SEPTIN14: variants seen among roughly 807,000 people sequenced by gnomAD.
SEPTIN14 encodes the protein septin 14.
SEPTIN14 carries 40 observed loss-of-function variants against 53.6 expected under a neutral mutation model. The ratio of observed to expected loss-of-function variants is 0.75; its 90% CI spans 0.58 to 0.97. The LOEUF is 0.97. Ranked by LOEUF, SEPTIN14 falls within the 50% of genes least tolerant of loss-of-function variation. The pLI is 0.00. For synonymous variants in SEPTIN14, 138 were observed against 166.8 expected (o/e 0.83, Z 1.33); for missense variants, 471 against 508.2 (o/e 0.93, Z 0.70).
intron 2 of SEPTIN14, among the ~76,000 whole-genome samples, chr7:55,851,965 AC>A (rs1304494668): frequency 6.6e-6 from 1 of 152,018 alleles, no homozygotes; most frequent in Non-Finnish European, 1.5e-5. Flanking sequence ...ACACAGTGAA[AC>A]CCCGTCTCTA....
At chr7:55,852,537 TA>T (rs1413380300) in intron 2 of SEPTIN14, among the ~76,000 whole-genome samples, 4 of 151,964 alleles carry the variant, frequency 2.6e-5, no homozygotes. Context: ...AAAAATCAAA[TA>T]AAAATGAATT....
In SEPTIN14 at chr7:55,793,789, A is replaced by C. The variant is rs912966722; in HGVS notation, c.*2124T>G. On this transcript the variant is annotated 3_prime_UTR_variant, in exon 10 of 10. Transcript: ENST00000388975. ...TAATTTTCATAGTAACCAAAAACGAAATCTACATAGAATATACACAAAAGG... is the reference window on the plus strand; with the variant it reads ...TAATTTTCATAGTAACCAAAAACGACATCTACATAGAATATACACAAAAGG... 7 of 152,112 alleles carry C rather than the reference A, an allele frequency of 4.6e-5. No homozygotes were observed. Among genetic ancestry groups the C allele is most frequent in the African/African-American group, 1.7e-4 (7 of 41,458 alleles). 9.4% of individuals were successfully genotyped at this position (152,112 alleles called of 1,614,324 possible).
intron 7 of SEPTIN14, among the ~76,000 whole-genome samples, chr7:55,817,358 A>G (rs1420028446): frequency 6.6e-6 from 1 of 152,064 alleles, no homozygotes; most frequent in African/African-American, 2.4e-5. Context: ...GGTAGAGGGT[A>G]TGTAGGAGAG....
Position 55,844,686 on chromosome 7 carries a change from C to T in SEPTIN14, c.208G>A (p.Asp70Asn), listed in dbSNP as rs757463570. Reference sequence around the variant, plus strand: ...TTCAAGTTAGTATTAAACAATGTGTCTATCAGTGTCGATTTTCCAATTCCA... The same window carrying T: ...TTCAAGTTAGTATTAAACAATGTGTTTATCAGTGTCGATTTTCCAATTCCA... Reference protein sequence around the residue: ...ETGIGKSTLIDTLFNTNLKDN... With the variant: ...ETGIGKSTLINTLFNTNLKDN... The change falls in exon 4 of 10, where the codon GAC (aspartate) becomes AAC (asparagine). Residue 70 changes from aspartate to asparagine, a missense_variant. Coordinates refer to ENST00000388975, the MANE Select transcript of SEPTIN14 (RefSeq NM_207366.3). The T allele has an allele frequency of 6.2e-7, 1 of 1,604,618 alleles. No individual in the cohort carries two copies. Among genetic ancestry groups the T allele is most frequent in the Non-Finnish European group, 8.5e-7 (1 of 1,173,592 alleles).
chr7:55,805,555 A>G (rs544439305), intron 8 of SEPTIN14, among the ~76,000 whole-genome samples, 165 bp from the exon 9 acceptor site: 19 of 152,290 alleles, frequency 1.2e-4, no homozygotes, highest in African/African-American at 4.3e-4. Flanking sequence ...AAAAATAAAA[A>G]CACACTAGTA....
chr7:55,843,237 T>C, intron 4 of SEPTIN14, 109 bp from the exon 5 acceptor site: 1 of 581,694 alleles, frequency 1.7e-6, no homozygotes, highest in Non-Finnish European at 2.9e-6. Flanking sequence ...GCTATAGTGA[T>C]GAAGAAAAAG....
At chr7:55,801,924 T>C (rs986693403) in intron 9 of SEPTIN14, among the ~76,000 whole-genome samples, 2 of 151,564 alleles carry the variant, frequency 1.3e-5, no homozygotes, top group African/African-American at 4.8e-5. Flanking sequence ...TTGTCTTAAA[T>C]AGATAAATAA....
intron 9 of SEPTIN14, among the ~76,000 whole-genome samples, chr7:55,802,854 T>A (rs1479016229): frequency 6.6e-6 from 1 of 151,466 alleles, no homozygotes; most frequent in Non-Finnish European, 1.5e-5. Flanking sequence ...GTACATCTGA[T>A]AAGGGGTTAA....
At chr7:55,804,582 A>G (rs1433621678) in intron 9 of SEPTIN14, among the ~76,000 whole-genome samples, 7 of 152,126 alleles carry the variant, frequency 4.6e-5, no homozygotes. Context: ...CTTATAATTC[A>G]ACTGTCTTTG....
rs141620760 is a variant in SEPTIN14, at chr7:55,857,014, A to G, written c.54+4929T>C. On this transcript the variant is annotated intron_variant, in intron 2 of 9. Transcript: ENST00000388975. The stretch of plus-strand genomic sequence containing the variant: ...GAACCCGGGAAGTGGAGGTTCCAGT[A>G]AGCCAAGATTGTGCCACTGCACTCC... Among the ~76,000 whole-genome samples the G allele has an allele frequency of 3.3e-3, 493 of 148,458 alleles. 3 individuals are homozygous for G. Among genetic ancestry groups the G allele is most frequent in the African/African-American group, 0.012 (467 of 40,226 alleles).
At chr7:55,830,337 ATATATATATATAT>A (rs1395039370) in intron 6 of SEPTIN14, among the ~76,000 whole-genome samples, 29 of 35,328 alleles carry the variant, frequency 8.2e-4, no homozygotes, top group African/African-American at 3.5e-3. Context: ...ATATATATAT[ATATATATATATAT>A]TTTTTTTTTT....
At chr7:55,803,860 C>T (rs1788564325) in intron 9 of SEPTIN14, among the ~76,000 whole-genome samples, 1 of 151,232 alleles carries the variant, frequency 6.6e-6, no homozygotes. Context: ...CGCGATGGCT[C>T]ATGTCTGTAA....
At chr7:55,802,388 A>T (rs1562705061) in intron 9 of SEPTIN14, among the ~76,000 whole-genome samples, 1 of 152,202 alleles carries the variant, frequency 6.6e-6, no homozygotes, top group Non-Finnish European at 1.5e-5. Context: ...GAGAAAAAAA[A>T]ATTATAGGCC....
At chr7:55,857,033 G>A (rs1789641572) in intron 2 of SEPTIN14, among the ~76,000 whole-genome samples, 1 of 151,676 alleles carries the variant, frequency 6.6e-6, no homozygotes, top group Non-Finnish European at 1.5e-5. Context: ...TTGTGCCACT[G>A]CACTCCCGCC....
intron 7 of SEPTIN14, chr7:55,811,397 C>A: frequency 2.1e-6 from 1 of 487,190 alleles, no homozygotes; most frequent in South Asian, 1.6e-5. Context: ...AACTACTGCC[C>A]TTTCTAGGAG....
Position 55,794,393 on chromosome 7 carries a change from C to A in SEPTIN14, c.*1520G>T, listed in dbSNP as rs1018427384. The A allele has an allele frequency of 2.0e-5, 3 of 152,134 alleles. No homozygotes were observed. The highest frequency in any genetic ancestry group is 7.2e-5 in the African/African-American group (3 of 41,424). 9.4% of individuals were successfully genotyped at this position (152,134 alleles called of 1,614,324 possible). ...GTTACATTAATTATCTTTTGAAAGT[C>A]AATAATCTACATTTTTAATGTATGC... is the stretch of plus-strand genomic sequence containing the variant. On this transcript the variant is annotated 3_prime_UTR_variant, in exon 10 of 10. Coordinates refer to ENST00000388975, the MANE Select transcript of SEPTIN14 (RefSeq NM_207366.3).
At chr7:55,846,375 C>CATAATGA in intron 3 of SEPTIN14, 142 bp downstream of exon 3, 1 of 618,300 alleles carries the variant, frequency 1.6e-6, no homozygotes, top group Non-Finnish European at 2.6e-6. Context: ...AAAAGGATTA[C>CATAATGA]ATAATATGGC....
chr7:55,803,285 T>G (rs1271090295), intron 9 of SEPTIN14, among the ~76,000 whole-genome samples: 2 of 152,014 alleles, frequency 1.3e-5, no homozygotes, highest in Non-Finnish European at 2.9e-5. Context: ...AATAGGGATA[T>G]GAAAAAAATA....
At chr7:55,856,770 G>A (rs867574061) in intron 2 of SEPTIN14, among the ~76,000 whole-genome samples, 2 of 152,098 alleles carry the variant, frequency 1.3e-5, no homozygotes, top group Non-Finnish European at 2.9e-5. Flanking sequence ...TGTGAATAGC[G>A]CTGAGATGAA....
Sources: gnomAD v4.1 joint callset for allele counts (sites outside exome capture counted in the v4.1 genomes callset) on GRCh38, gnomAD v4.1.1 for gene constraint, MANE v1.5 for transcripts, NCBI Gene and HGNC (gene_info 2026-07-23, HGNC 2026-07-21) for gene names.